TTC6: variants seen among roughly 807,000 people sequenced by gnomAD.
TTC6 encodes tetratricopeptide repeat domain 6.
TTC6 carries 172 observed loss-of-function variants against 210.4 expected under a neutral mutation model. That is an observed-to-expected ratio of 0.82 (90% CI 0.72 to 0.93). TTC6 has a LOEUF of 0.93. Ranked by LOEUF, TTC6 falls within the 40% of genes least tolerant of loss-of-function variation. The pLI, the probability that TTC6 is intolerant of heterozygous loss-of-function variation, is 0.00. For synonymous variants in TTC6, 804 were observed against 819.6 expected, an observed-to-expected ratio of 0.98 and a Z score of 0.32; for missense variants, 2,414 against 2,318.1, an observed-to-expected ratio of 1.04 and a Z score of -0.85.
At chr14:37,653,104 G>A (rs560701077) in intron 1 of TTC6, among the ~76,000 whole-genome samples, 25 of 152,258 alleles carry the variant, frequency 1.6e-4, no homozygotes, top group African/African-American at 5.8e-4. Context: ...TCCTCTTGGA[G>A]CCCTTTGATC....
chr14:37,758,802 G>A (rs2095975333), intron 14 of TTC6, among the ~76,000 whole-genome samples: 2 of 152,090 alleles, frequency 1.3e-5, no homozygotes, highest in Non-Finnish European at 1.5e-5. Flanking sequence ...ATATTTTGGT[G>A]TGTTTTTGCA....
At chr14:37,742,388 G>T (rs1175118849) in intron 10 of TTC6, among the ~76,000 whole-genome samples, 4 of 150,266 alleles carry the variant, frequency 2.7e-5, no homozygotes, top group Non-Finnish European at 5.9e-5. Flanking sequence ...TCCACTTTTT[G>T]GTTTTGTTTT....
chr14:37,762,809 A>G (rs2095988198), intron 14 of TTC6, among the ~76,000 whole-genome samples: 1 of 150,356 alleles, frequency 6.7e-6, no homozygotes, highest in South Asian at 2.1e-4. Context: ...TGTTGAACCA[A>G]CCTTGTGTTA....
intron 1 of TTC6, among the ~76,000 whole-genome samples, chr14:37,628,672 G>A (rs1185285867): frequency 2.0e-5 from 3 of 152,194 alleles, no homozygotes; most frequent in Non-Finnish European, 4.4e-5. Context: ...CAATCATGAA[G>A]TCTTTGCCCA....
chr14:37,651,420 TATATA>T (rs1263782235), intron 1 of TTC6, among the ~76,000 whole-genome samples: 447 of 22,722 alleles, frequency 0.02, 4 homozygotes, highest in African/African-American at 0.038. Flanking sequence ...TATATATATA[TATATA>T]TTTTTTTTTT....
intron 3 of TTC6, among the ~76,000 whole-genome samples, chr14:37,694,266 A>G (rs576333373): frequency 1.3e-5 from 2 of 152,238 alleles, no homozygotes; most frequent in Non-Finnish European, 2.9e-5. Context: ...GTAGGAAAAA[A>G]TCTAACAATT....
chr14:37,836,532 A>AT lies in TTC6; in HGVS notation c.5299-4903dup, dbSNP rs199642840. On this transcript the variant is annotated intron_variant, in intron 29 of 30. Transcript: ENST00000553443. ...TGGTTAGATCTAAAGTGTAGTTTAA[A>AT]TTTTTTTTTTAAGTATAACTCTATT... is the stretch of plus-strand genomic sequence containing the variant. 4.9e-3 allele frequency among the ~76,000 whole-genome samples: 737 copies of AT among 150,776 alleles called. 7 individuals carry two copies. Among genetic ancestry groups the AT allele is most frequent in the East Asian group, 0.022 (112 of 5,148 alleles).
intron 1 of TTC6, among the ~76,000 whole-genome samples, chr14:37,662,564 T>G (rs1301117317): frequency 6.6e-6 from 1 of 152,060 alleles, no homozygotes; most frequent in Non-Finnish European, 1.5e-5. Flanking sequence ...GTCTTTACTC[T>G]GTCTTGAATT....
intron 1 of TTC6, among the ~76,000 whole-genome samples, chr14:37,604,190 C>G (rs1208575153): frequency 6.6e-6 from 1 of 152,160 alleles, no homozygotes; most frequent in Non-Finnish European, 1.5e-5. Context: ...AACTGGGCTG[C>G]CGGGGGGCGG....
exon 16 of TTC6, chr14:37,790,725 A>C: frequency 6.5e-7 from 1 of 1,533,490 alleles, no homozygotes; most frequent in Non-Finnish European, 8.7e-7. Flanking sequence ...AGCACTCATA[A>C]ATGATGGCTA....
rs141813313 is a variant in TTC6 at position 37,639,503 on chromosome 14, A to G, written c.939+16500A>G. Among the ~76,000 whole-genome samples, 249 of 152,264 alleles carry G rather than the reference A, an allele frequency of 1.6e-3. 3 individuals are homozygous for G. The highest frequency in any genetic ancestry group is 5.7e-3 in the African/African-American group (235 of 41,546). ...TTATAGTTTTTTTCTGTGTAAATGT[A>G]AAAGTTCTCACATAACATTTGGATG... is the stretch of plus-strand genomic sequence containing the variant. On this transcript the variant is annotated intron_variant, in intron 1 of 30. Coordinates refer to ENST00000553443, the Ensembl canonical transcript of TTC6.
chr14:37,690,892 C>T (rs1477698728), intron 3 of TTC6, among the ~76,000 whole-genome samples: 3 of 152,182 alleles, frequency 2.0e-5, no homozygotes, highest in African/African-American at 7.2e-5. Context: ...GTTTATAGAA[C>T]ATTTCATCCA....
chr14:37,599,548 G>A (rs1406225660), intron 1 of TTC6, among the ~76,000 whole-genome samples: 2 of 152,086 alleles, frequency 1.3e-5, no homozygotes, highest in Non-Finnish European at 2.9e-5. Flanking sequence ...CTGCCTGAGC[G>A]CCGCCGGGTT....
At chr14:37,835,933 C>G (rs1271826712) in intron 29 of TTC6, among the ~76,000 whole-genome samples, 1 of 152,144 alleles carries the variant, frequency 6.6e-6, no homozygotes, top group African/African-American at 2.4e-5. Flanking sequence ...GAATCACACC[C>G]TGCCCTCTTA....
intron 20 of TTC6, among the ~76,000 whole-genome samples, chr14:37,804,133 A>G (rs2096113113): frequency 6.6e-6 from 1 of 152,124 alleles, no homozygotes; most frequent in South Asian, 2.1e-4. Context: ...GAACATTTTC[A>G]TTAATGAGAC....
intron 1 of TTC6, among the ~76,000 whole-genome samples, chr14:37,643,150 A>C (rs1206554477): frequency 6.6e-6 from 1 of 152,002 alleles, no homozygotes; most frequent in African/African-American, 2.4e-5. Context: ...TTTACTAAAA[A>C]TACAAAAACT....
At chr14:37,701,776 T>C (rs371917499) in intron 5 of TTC6, among the ~76,000 whole-genome samples, 2 of 152,262 alleles carry the variant, frequency 1.3e-5, no homozygotes, top group East Asian at 3.9e-4. Flanking sequence ...GTTACATACA[T>C]GATCTCATTT....
At chr14:37,787,717 G>GTAATA in intron 15 of TTC6, 80 bp downstream of exon 17, 1 of 1,180,614 alleles carries the variant, frequency 8.5e-7, no homozygotes, top group African/African-American at 1.5e-5. Context: ...GAATGGTAAT[G>GTAATA]TGGGTTCACT....
chr14:37,611,258 C>G (rs2095633950), intron 2 of TTC6: 1 of 152,166 alleles, frequency 6.6e-6, no homozygotes, highest in African/African-American at 2.4e-5. Flanking sequence ...GCCAGTCGAG[C>G]CCACCCGGCC....
Sources: gnomAD v4.1 joint callset for allele counts (sites outside exome capture counted in the v4.1 genomes callset) on GRCh38, gnomAD v4.1.1 for gene constraint, MANE v1.5 for transcripts, NCBI Gene and HGNC (gene_info 2026-07-23, HGNC 2026-07-21) for gene names.